The following SEMA3A variants were observed in gnomAD, a reference collection of about 807,000 sequenced individuals.
The protein encoded by SEMA3A is semaphorin-3A.
Under a neutral mutation model 97.9 loss-of-function variants are expected in SEMA3A, and 29 were observed. That is an observed-to-expected ratio of 0.30 (90% CI 0.22 to 0.40). SEMA3A has a LOEUF of 0.40. SEMA3A is among the 10% of genes least tolerant of loss of function. The pLI, the probability that SEMA3A is intolerant of heterozygous loss-of-function variation, is 1.00. For synonymous variants in SEMA3A, 321 were observed against 323.7 expected (o/e 0.99, Z 0.09); for missense variants, 763 against 951.3 (o/e 0.80, Z 2.60).
chr7:84,087,750 A>G (rs1304379757), intron 4 of SEMA3A, among the ~76,000 whole-genome samples: 1 of 152,132 alleles, frequency 6.6e-6, no homozygotes, highest in Non-Finnish European at 1.5e-5. Context: ...TGTTACTACT[A>G]CCTTCTTGAA....
chr7:84,212,328 C>T (rs1422477806), intron 3 of SEMA3A, among the ~76,000 whole-genome samples: 1 of 152,144 alleles, frequency 6.6e-6, no homozygotes, highest in Non-Finnish European at 1.5e-5. Flanking sequence ...ATTTAGAACA[C>T]ACAGTTTTTC....
Position 84,454,488 on chromosome 7 carries a change from T to C in SEMA3A, c.-246+37972A>G, listed in dbSNP as rs1261100678. On this transcript the variant is annotated intron_variant, in intron 1 of 3. Transcript: ENST00000424555. ...GTCTGAGCATTCACAGTACCAATTA[T>C]TATAGTAATTTGAATGTTACTAAAA... Among the ~76,000 whole-genome samples the C allele has an allele frequency of 3.9e-5, 6 of 152,148 alleles. No homozygotes were observed. In the East Asian group the frequency reaches 1.2e-3, roughly 29 times the overall value.
chr7:84,306,139 A>G (rs1450260502), intron 3 of SEMA3A, among the ~76,000 whole-genome samples: 2 of 151,860 alleles, frequency 1.3e-5, no homozygotes, highest in Non-Finnish European at 2.9e-5. Context: ...TTCTTAAATC[A>G]GTAAATTTTT....
chr7:84,344,242 T>C (rs1802240596), intron 2 of SEMA3A, among the ~76,000 whole-genome samples: 1 of 152,184 alleles, frequency 6.6e-6, no homozygotes, highest in African/African-American at 2.4e-5. Flanking sequence ...TTCCAGCTAA[T>C]GTTGCATAAC....
intron 1 of SEMA3A, among the ~76,000 whole-genome samples, chr7:84,384,654 C>T (rs1369555181): frequency 6.6e-6 from 1 of 152,128 alleles, no homozygotes; most frequent in African/African-American, 2.4e-5. Flanking sequence ...GTGACTGTGT[C>T]ATCTCTTGTC....
Position 83,992,178 on chromosome 7 carries a change from AT to A in SEMA3A, c.1453-6702del, listed in dbSNP as rs1447094007. 1.3e-4 allele frequency among the ~76,000 whole-genome samples: 19 copies of A among 150,990 alleles called. 1 individual carries two copies. The highest frequency in any genetic ancestry group is 4.4e-4 in the African/African-American group (18 of 40,982). ...GATTGGTGGTGATATCCCCTTTATC[AT>A]TTTTTATTGTGTCTATTTGATTCTT... On this transcript the variant is annotated intron_variant, in intron 12 of 16. Coordinates refer to ENST00000265362, the MANE Select transcript of SEMA3A (RefSeq NM_006080.3).
chr7:84,472,378 A>C (rs1210564555), intron 1 of SEMA3A, among the ~76,000 whole-genome samples: 1 of 152,030 alleles, frequency 6.6e-6, no homozygotes, highest in African/African-American at 2.4e-5. Context: ...TGTAGATCTT[A>C]AATTGCAAGG....
chr7:84,252,343 A>T (rs1799627919), intron 3 of SEMA3A, among the ~76,000 whole-genome samples: 1 of 152,214 alleles, frequency 6.6e-6, no homozygotes, highest in African/African-American at 2.4e-5. Flanking sequence ...AAGATGAGAA[A>T]ACAATTCGTA....
chr7:84,193,414 G>C (rs1473464576), intron 1 of SEMA3A, among the ~76,000 whole-genome samples: 1 of 151,934 alleles, frequency 6.6e-6, no homozygotes, highest in East Asian at 1.9e-4. Flanking sequence ...TTAACTTATA[G>C]GCTAAAAAAT....
intron 6 of SEMA3A, among the ~76,000 whole-genome samples, chr7:84,018,901 A>C (rs950802816): frequency 6.6e-6 from 1 of 152,182 alleles, no homozygotes; most frequent in African/African-American, 2.4e-5. Context: ...CTGCTGCTGC[A>C]GAGAAAAACA....
intron 5 of SEMA3A, among the ~76,000 whole-genome samples, chr7:84,050,029 A>T (rs1467236362): frequency 6.6e-6 from 1 of 151,044 alleles, no homozygotes; most frequent in Admixed American, 6.6e-5. Flanking sequence ...CCATGTCCCT[A>T]CAAAGGACAT....
At chr7:84,253,623 G>C (rs1369746040) in intron 3 of SEMA3A, among the ~76,000 whole-genome samples, 1 of 152,124 alleles carries the variant, frequency 6.6e-6, no homozygotes, top group Non-Finnish European at 1.5e-5. Flanking sequence ...AGTTGGGGTG[G>C]TTCTTCTCAT....
In SEMA3A at chr7:84,285,651, A is replaced by G. The variant is rs529821601; in HGVS notation, c.-83+21556T>C. Among the ~76,000 whole-genome samples, 3 of 152,282 alleles carry G rather than the reference A, an allele frequency of 2.0e-5. No homozygotes were observed. In the South Asian group the frequency reaches 6.2e-4, roughly 32 times the overall value. ...TTGGTTCTCATAAGGGAAGTTGAATATAAAGAAATAGTTGGCAAGGCATGG... is the reference window on the plus strand; with the variant it reads ...TTGGTTCTCATAAGGGAAGTTGAATGTAAAGAAATAGTTGGCAAGGCATGG... On this transcript the variant is annotated intron_variant, in intron 3 of 3. Coordinates refer to the SEMA3A transcript ENST00000424555.
chr7:84,104,659 A>G (rs1795055813), intron 4 of SEMA3A, among the ~76,000 whole-genome samples: 1 of 152,082 alleles, frequency 6.6e-6, no homozygotes, highest in South Asian at 2.1e-4. Flanking sequence ...TATTGTTTCA[A>G]AGTATGACTT....
At chr7:84,007,690 T>C (rs1374737990) in intron 9 of SEMA3A, among the ~76,000 whole-genome samples, 193 bp from the exon 10 acceptor site, 9 of 152,306 alleles carry the variant, frequency 5.9e-5, no homozygotes, top group African/African-American at 1.9e-4. Context: ...AATTGTGATT[T>C]CTTAAAAATA....
intron 5 of SEMA3A, among the ~76,000 whole-genome samples, chr7:84,054,246 C>G (rs1278726473): frequency 6.6e-6 from 1 of 152,278 alleles, no homozygotes; most frequent in Non-Finnish European, 1.5e-5. Context: ...TTTCCTGAAT[C>G]TGAACGTTGG....
At position 84,404,324 on chromosome 7, in the gene SEMA3A, C is replaced by T. The variant is rs955850051; in HGVS notation, c.-245-32424G>A. On this transcript the variant is annotated intron_variant, in intron 1 of 3. Transcript: ENST00000424555. ...GGAAGACAAAATGAATGAAATGAAG[C>T]GTGAAGAGAAGTTTAGAAAAAAAAG... 1.3e-4 allele frequency among the ~76,000 whole-genome samples: 19 copies of T among 151,796 alleles called. No individual in the cohort carries two copies. The East Asian group carries it at 1.7e-3, about 14-fold the overall frequency.
At chr7:84,448,668 A>T (rs929470580) in intron 1 of SEMA3A, among the ~76,000 whole-genome samples, 4 of 152,178 alleles carry the variant, frequency 2.6e-5, no homozygotes, top group African/African-American at 4.8e-5. Context: ...CATTAAAAAA[A>T]GTAAAGAAAT....
At chr7:84,331,633 G>A (rs1801911293) in intron 2 of SEMA3A, among the ~76,000 whole-genome samples, 1 of 151,912 alleles carries the variant, frequency 6.6e-6, no homozygotes, top group African/African-American at 2.4e-5. Context: ...TGCCTGGAAA[G>A]CCATAAAGAA....
Sources: allele counts gnomAD v4.1 joint callset (sites outside exome capture counted in the v4.1 genomes callset), GRCh38; gene constraint gnomAD v4.1.1; transcripts MANE v1.5; gene names NCBI Gene and HGNC (gene_info 2026-07-23, HGNC 2026-07-21).